Variants in PITPNM1 observed in about 807,000 individuals in gnomAD.
PITPNM1 encodes the protein phosphatidylinositol transfer protein membrane associated 1.
Under a neutral mutation model 133.3 loss-of-function variants are expected in PITPNM1, and 74 were observed. The observed-to-expected ratio is 0.56, with a 90% CI of 0.46 to 0.67. The LOEUF (loss-of-function observed/expected upper bound fraction) is 0.67. PITPNM1 is among the 30% of genes least tolerant of loss of function. PITPNM1 has a pLI of 0.00. For missense variants in PITPNM1, 1,398 were observed against 1,739.5 expected (o/e 0.80, Z 3.49); for synonymous variants, 738 against 741.4 (o/e 1.00, Z 0.08).
At position 67,494,074 on chromosome 11, in the gene PITPNM1, G is replaced by C. The variant is rs1189740764; in HGVS notation, c.2860-4C>G. On this transcript the variant is annotated splice_region_variant and splice_polypyrimidine_tract_variant and intron_variant, in intron 19 of 23. Transcript: ENST00000356404. ...GCGTCATGATGTAGACATCCACCTG[G>C]AGGGGAGAAGGGGCGGGAGGTAAAT... 6.2e-7 allele frequency: 1 copy of C among 1,603,298 alleles called. No individual in the cohort carries two copies. The highest frequency in any genetic ancestry group is 1.1e-5 in the South Asian group (1 of 90,076).
At chr11:67,493,868 G>A (rs1330575850) in intron 20 of PITPNM1, 31 bp from the exon 21 acceptor site, 3 of 1,522,836 alleles carry the variant, frequency 2.0e-6, no homozygotes, top group Non-Finnish European at 2.6e-6. Flanking sequence ...CGTGAGTGGC[G>A]CGGGGCGAGG....
In PITPNM1 at chr11:67,495,661, C is replaced by T. The variant is rs532391073; in HGVS notation, c.2318-59G>A. ...GCCAGGTGGCTCTCCTGTCTTCTCA[C>T]CCAGGGCTCCCCGCACCTCTGCCAT... On this transcript the variant is annotated intron_variant, in intron 15 of 23. Coordinates refer to ENST00000356404, the MANE Select transcript of PITPNM1 (RefSeq NM_004910.3). 36 of 1,441,510 alleles carry T rather than the reference C, an allele frequency of 2.5e-5. No homozygotes were observed. The South Asian group carries it at 4.4e-4, about 18-fold the overall frequency. 89.3% of individuals were successfully genotyped at this position (1,441,510 alleles called of 1,614,324 possible).
Position 67,499,828 on chromosome 11 carries a change from C to T in PITPNM1, c.1066G>A (p.Gly356Ser). The T allele has an allele frequency of 1.3e-6, 2 of 1,579,564 alleles. No individual in the cohort carries two copies. The highest frequency in any genetic ancestry group is 1.7e-6 in the Non-Finnish European group (2 of 1,155,902). The change falls in exon 8 of 24, where the codon GGC becomes AGC. Residue 356 changes from glycine to serine, a missense_variant and splice_region_variant. Physicochemically the swap from Gly to Ser is moderately conservative, Grantham distance 56. Transcript: ENST00000356404. ...SEEEFFDAHEGFSDSEEVFPK... is the reference protein window; with the variant it reads ...SEEEFFDAHESFSDSEEVFPK... Reference sequence around the variant, plus strand: ...AAGACCTCCTCACTGTCCGAGAAGCCTTCTGAGGGGACAGGGGGCTGTGTC... The same window carrying T: ...AAGACCTCCTCACTGTCCGAGAAGCTTTCTGAGGGGACAGGGGGCTGTGTC...
Position 67,498,362 on chromosome 11 carries a change from G to T in PITPNM1, c.1485-40C>A, listed in dbSNP as rs1239195040. 2.0e-6 allele frequency: 3 copies of T among 1,490,310 alleles called. No individual in the cohort carries two copies. The highest frequency in any genetic ancestry group is 1.8e-6 in the Non-Finnish European group (2 of 1,118,674). The allele number at this position is 1,490,310 out of a possible 1,614,324, so 92.3% of individuals were successfully genotyped here. A position where few individuals can be genotyped will look rare whatever the true frequency, so the allele number is the denominator to read the frequency against. ...AATGTGCGTGGGTGAGGGGCTTCCA[G>T]ACCCACTCCTGCCATCCAAGTCCCC... On this transcript the variant is annotated intron_variant, in intron 10 of 23. Transcript: ENST00000356404. The surrounding 1 kb of genome is among the most constrained non-coding windows in gnomAD (Gnocchi z 5.7).
Position 67,502,010 on chromosome 11 carries a change from C to A in PITPNM1, c.492G>T (p.Ser164=), listed in dbSNP as rs1052310262. Residue 164 remains serine, a synonymous_variant, in exon 5 of 24, where the codon TCG becomes TCT. Coordinates refer to ENST00000356404, the MANE Select transcript of PITPNM1 (RefSeq NM_004910.3). The surrounding 1 kb of genome is among the most constrained non-coding windows in gnomAD (Gnocchi z 5.9). ...ACAGTGGCCCTCGGCCCGTCTTGAC[C>A]GAGTGATAAAGCCGGGGGTCCTCTT... ...KAEEDPRLYH[S]VKTGRGPLSD... 12 of 1,613,382 alleles carry A rather than the reference C, an allele frequency of 7.4e-6. No homozygotes were observed. The Admixed American group carries it at 2.0e-4, about 27-fold the overall frequency.
Position 67,492,076 on chromosome 11 carries a change from C to T in PITPNM1, c.3692G>A (p.Gly1231Asp), listed in dbSNP as rs1217728369. Reference sequence around the variant, plus strand: ...CTTCAGGCTGATGCTCCGTGCTTTGCCCCGTGCCAGGGTGGTGGGTGGTGT... The same window carrying T: ...CTTCAGGCTGATGCTCCGTGCTTTGTCCCGTGCCAGGGTGGTGGGTGGTGT... ...PGTPPTTLAR[G>D]KARSISLKLD... Residue 1231 changes from glycine to aspartate, a missense_variant, in exon 24 of 24, where the codon GGC (glycine) becomes GAC (aspartate). Transcript: ENST00000356404. 1 of 1,612,544 alleles carries T rather than the reference C, an allele frequency of 6.2e-7. No homozygotes were observed.
At chr11:67,497,883 C>T (rs531788098) in intron 12 of PITPNM1, 34 bp downstream of exon 12, 33 of 1,592,912 alleles carry the variant, frequency 2.1e-5, no homozygotes, top group Admixed American at 6.7e-5. Flanking sequence ...AGGGCCTTTC[C>T]GCTCCTGAGG....
chr11:67,494,182 A>G (rs773317778), intron 19 of PITPNM1, 62 bp downstream of exon 19: 220 of 1,575,376 alleles, frequency 1.4e-4, no homozygotes, highest in Non-Finnish European at 1.8e-4. Context: ...AGGGACCAGG[A>G]GCTGTTCCGA....
rs762401728 is a variant in PITPNM1, at chr11:67,501,946, G to A, written c.556C>T (p.Leu186Phe). The change falls in exon 5 of 24, where the codon CTT (leucine) becomes TTT (phenylalanine). Residue 186 changes from leucine (L) to phenylalanine (F), a missense_variant. This residue lies in a region of PITPNM1 where 274 missense variants were observed against 360.7 expected (regional missense o/e 0.76). Transcript: ENST00000356404. ...TTGCACAGCTTATAGGCACACATAAGGGGCCCCGTCTGTGCCGCCGTCCGT... is the reference window on the plus strand; with the variant it reads ...TTGCACAGCTTATAGGCACACATAAAGGGCCCCGTCTGTGCCGCCGTCCGT... ...WARTAAQTGP[L>F]MCAYKLCKVE... 7 of 1,613,422 alleles carry A rather than the reference G, an allele frequency of 4.3e-6. No individual in the cohort carries two copies. The highest frequency in any genetic ancestry group is 5.9e-6 in the Non-Finnish European group (7 of 1,180,020).
Position 67,494,854 on chromosome 11 carries a change from T to C in PITPNM1, c.2734A>G (p.Lys912Glu), listed in dbSNP as rs1169892074. Reference sequence around the variant, plus strand: ...AGGGGCAGGGCACCTACCCGGATCTTGACCTGCGTGCGTTTTCGCTGCCAC... The same window carrying C: ...AGGGGCAGGGCACCTACCCGGATCTCGACCTGCGTGCGTTTTCGCTGCCAC... The part of the protein sequence containing the change: ...EKWQRKRTQV[K>E]IRNVTSNHRA... The change falls in exon 18 of 24, where the codon AAG (lysine) becomes GAG (glutamate). Residue 912 changes from lysine to glutamate, a missense_variant. Transcript: ENST00000356404. The C allele has an allele frequency of 6.2e-7, 1 of 1,611,596 alleles. No homozygotes were observed. The highest frequency in any genetic ancestry group is 8.5e-7 in the Non-Finnish European group (1 of 1,179,046).
At position 67,504,315 on chromosome 11, in the gene PITPNM1, C is replaced by T; in HGVS notation, c.-41-94G>A. 2.5e-6 allele frequency: 1 copy of T among 396,232 alleles called. No homozygotes were observed. The highest frequency in any genetic ancestry group is 4.2e-6 in the Non-Finnish European group (1 of 238,608). 24.5% of individuals were successfully genotyped at this position (396,232 alleles called of 1,614,324 possible). A position where few individuals can be genotyped will look rare whatever the true frequency, so the allele number is the denominator to read the frequency against. On this transcript the variant is annotated intron_variant, in intron 1 of 23. Coordinates refer to ENST00000356404, the MANE Select transcript of PITPNM1 (RefSeq NM_004910.3). The surrounding 1 kb of genome is among the most constrained non-coding windows in gnomAD (Gnocchi z 5.4). ...CCGAGGGACTCAGGCCACGGGACCC[C>T]ATGTCCGGGCCCGCCACGAGGGAGG...
chr11:67,503,912 G>A, intron 2 of PITPNM1, 191 bp downstream of exon 2: 1 of 522,604 alleles, frequency 1.9e-6, no homozygotes, highest in South Asian at 2.4e-5. Flanking sequence ...GGAGGGCTGG[G>A]CACTTAGCGG....
chr11:67,504,047 G>C lies in PITPNM1; in HGVS notation c.78+56C>G. The C allele has an allele frequency of 7.2e-7, 1 of 1,387,730 alleles. No individual in the cohort carries two copies. Among genetic ancestry groups the C allele is most frequent in the Non-Finnish European group, 9.9e-7 (1 of 1,013,908 alleles). 86.0% of individuals were successfully genotyped at this position (1,387,730 alleles called of 1,614,324 possible). ...CGGTCCCAGCCCCGGGGCAGGGCTG[G>C]CGGGGTCGGCAGGGCTCCACCCCTT... On this transcript the variant is annotated intron_variant, in intron 2 of 23. Transcript: ENST00000356404. This position sits in a 1 kb window ranked among gnomAD's most constrained non-coding sequence, Gnocchi z 5.4.
rs12789119 is a variant in PITPNM1, at chr11:67,494,815, T to A, written c.2742+31A>T. On this transcript the variant is annotated intron_variant, in intron 18 of 23. Coordinates refer to ENST00000356404, the MANE Select transcript of PITPNM1 (RefSeq NM_004910.3). The stretch of plus-strand genomic sequence containing the variant: ...TGGTGAGTGGGCGAGAGTGGGCGAG[T>A]GGGCGAGGGGGCGAGGGGCAGGGCA... The A allele has an allele frequency of 4.3e-4, 571 of 1,329,956 alleles. 4 individuals are homozygous for A. The highest frequency in any genetic ancestry group is 1.4e-3 in the African/African-American group (72 of 52,250). 82.4% of individuals were successfully genotyped at this position (1,329,956 alleles called of 1,614,324 possible). A position where few individuals can be genotyped will look rare whatever the true frequency, so the allele number is the denominator to read the frequency against.
At position 67,497,241 on chromosome 11, in the gene PITPNM1, G is replaced by A. The variant is rs766138480; in HGVS notation, c.2136C>T (p.Pro712=). The change falls in exon 14 of 24, where the codon CCC becomes CCT. Residue 712 remains proline, a synonymous_variant. Transcript: ENST00000356404. ...GCCCCTAGGACTCACCCTCCAGGGC[G>A]GGCATCACAGTTTTGCGCAGAGCCA... The part of the protein sequence containing the change: ...LVLALRKTVM[P]ALEAAQMRPA... 96 of 1,607,006 alleles carry A rather than the reference G, an allele frequency of 6.0e-5. No individual in the cohort carries two copies. Among genetic ancestry groups the A allele is most frequent in the Non-Finnish European group, 7.5e-5 (88 of 1,176,246 alleles).
At position 67,498,147 on chromosome 11, in the gene PITPNM1, C is replaced by T. The variant is rs146979888; in HGVS notation, c.1660G>A (p.Gly554Ser). 3.0e-5 allele frequency: 49 copies of T among 1,612,658 alleles called. No individual in the cohort carries two copies. Among genetic ancestry groups the T allele is most frequent in the Non-Finnish European group, 3.5e-5 (41 of 1,179,960 alleles). Residue 554 changes from glycine to serine, a missense_variant, in exon 11 of 24, where the codon GGC becomes AGC. Gly to Ser is a moderately conservative substitution (Grantham distance 56). Transcript: ENST00000356404. This position sits in a 1 kb window ranked among gnomAD's most constrained non-coding sequence, Gnocchi z 5.7. ...TAACCGCTGACCTGCCCACAGAAGC[C>T]GGCACCCTCAGGTGAGCGCAGGAAG... ...SAFLRSPEGAGFCGQVALIGD... is the reference protein window; with the variant it reads ...SAFLRSPEGASFCGQVALIGD...
intron 16 of PITPNM1, 82 bp from the exon 17 acceptor site, chr11:67,495,307 C>T (rs1242116080): frequency 1.3e-6 from 2 of 1,486,174 alleles, no homozygotes; most frequent in Admixed American, 4.5e-5. Flanking sequence ...TCCCTCCCCC[C>T]TTTTCACCCA....
Position 67,496,362 on chromosome 11 carries a change from G to A in PITPNM1, c.2147-14C>T. On this transcript the variant is annotated splice_polypyrimidine_tract_variant and intron_variant, in intron 14 of 23. Coordinates refer to ENST00000356404, the MANE Select transcript of PITPNM1 (RefSeq NM_004910.3). Reference sequence around the variant, plus strand: ...GCATCTGGGCTGCTGGTACCCAGAAGACAGAGAAAGATTGTGGGGTCAGGG... The same window carrying A: ...GCATCTGGGCTGCTGGTACCCAGAAAACAGAGAAAGATTGTGGGGTCAGGG... 1.3e-6 allele frequency: 2 copies of A among 1,565,954 alleles called. No individual in the cohort carries two copies. The highest frequency in any genetic ancestry group is 1.7e-6 in the Non-Finnish European group (2 of 1,165,446).
At position 67,492,250 on chromosome 11, in the gene PITPNM1, C is replaced by G. The variant is rs757513549; in HGVS notation, c.3518G>C (p.Gly1173Ala). The G allele has an allele frequency of 2.5e-6, 4 of 1,598,316 alleles. No individual in the cohort carries two copies. Reference sequence around the variant, plus strand: ...TCCCGAGGAGGCATGCGAGTGCGAGCCCGCTTCCAGCTGGCCCAGGTGGGC... The same window carrying G: ...TCCCGAGGAGGCATGCGAGTGCGAGGCCGCTTCCAGCTGGCCCAGGTGGGC... ...YVAHLGQLEAGSHSHASSGPP... is the reference protein window; with the variant it reads ...YVAHLGQLEAASHSHASSGPP... Residue 1173 changes from glycine (G) to alanine (A), a missense_variant, in exon 24 of 24, where the codon GGC (glycine) becomes GCC (alanine). By Grantham distance (60) the Gly-to-Ala change is moderately conservative. Coordinates refer to ENST00000356404, the MANE Select transcript of PITPNM1 (RefSeq NM_004910.3).
Sources: gnomAD v4.1 joint callset for allele counts on GRCh38, gnomAD v4.1.1 for gene constraint, gnomAD v4.1.1 regional missense constraint, Gnocchi (gnomAD v3.1) non-coding constraint, MANE v1.5 for transcripts, NCBI Gene and HGNC (gene_info 2026-07-23, HGNC 2026-07-21) for gene names.